The following DGUOK variants were observed in gnomAD, a reference collection of about 807,000 sequenced individuals.
DGUOK encodes the protein deoxyguanosine kinase, mitochondrial.
In DGUOK, 30 loss-of-function variants were observed where a neutral mutation model predicts 36.6. The ratio of observed to expected loss-of-function variants is 0.82; its 90% CI spans 0.61 to 1.11. DGUOK has a LOEUF of 1.11. Ranked by LOEUF, DGUOK falls within the 50% of genes most tolerant of loss-of-function variation. The probability of loss-of-function intolerance (pLI) is 0.00; values close to 1 mark genes in which losing one functional copy is unlikely to be tolerated. For synonymous variants in DGUOK, 145 were observed against 126.3 expected, an observed-to-expected ratio of 1.15 and a Z score of -0.99; for missense variants, 361 against 336.4, an observed-to-expected ratio of 1.07 and a Z score of -0.57.
At chr2:73,932,455 G>T in intron 1 of DGUOK, 2 of 354,528 alleles carry the variant, frequency 5.6e-6, no homozygotes, top group East Asian at 9.2e-5. Flanking sequence ...CCTAACCCCC[G>T]CCTTGACCCA....
chr2:73,958,503 C>T (rs1203831221), intron 6 of DGUOK, among the ~76,000 whole-genome samples: 2 of 152,140 alleles, frequency 1.3e-5, no homozygotes, highest in African/African-American at 2.4e-5. Context: ...CATCCTAAAA[C>T]TAGGGAAATG....
chr2:73,949,897 G>C (rs1012898630), intron 3 of DGUOK, among the ~76,000 whole-genome samples: 2 of 152,152 alleles, frequency 1.3e-5, no homozygotes, highest in Non-Finnish European at 2.9e-5. Context: ...GGCAAAGCTG[G>C]TTTGATTTTT....
chr2:73,945,972 G>T (rs1381730436), intron 2 of DGUOK, among the ~76,000 whole-genome samples: 1 of 151,610 alleles, frequency 6.6e-6, no homozygotes, highest in Non-Finnish European at 1.5e-5. Flanking sequence ...GGAGGGCGGA[G>T]GTTGCAGTGA....
At chr2:73,940,660 G>A (rs543137245) in intron 2 of DGUOK, among the ~76,000 whole-genome samples, 14 of 152,294 alleles carry the variant, frequency 9.2e-5, no homozygotes, top group Non-Finnish European at 1.8e-4. Flanking sequence ...TGTATACAAT[G>A]GTGGCCCCAT....
intron 1 of DGUOK, among the ~76,000 whole-genome samples, chr2:73,927,265 A>AT (rs1680672793): frequency 6.6e-6 from 1 of 152,172 alleles, no homozygotes; most frequent in Admixed American, 6.5e-5. Context: ...ACAGGAACAT[A>AT]TTTGTTGGGG....
chr2:73,930,428 C>T (rs1009346259), intron 1 of DGUOK, among the ~76,000 whole-genome samples: 1 of 152,124 alleles, frequency 6.6e-6, no homozygotes, highest in South Asian at 2.1e-4. Context: ...CTGCTATTTG[C>T]CTGATGATGT....
At chr2:73,939,171 A>G in intron 2 of DGUOK, 149 bp downstream of exon 2, 1 of 675,490 alleles carries the variant, frequency 1.5e-6, no homozygotes, top group East Asian at 2.8e-5. Flanking sequence ...CATACACCAG[A>G]GAGGATATGA....
Position 73,946,743 on chromosome 2 carries a change from A to C in DGUOK, c.280A>C (p.Asn94His), listed in dbSNP as rs747937764. Reference protein sequence around the residue: ...QKACTAQSLGNLLDMMYREPA... With the variant: ...QKACTAQSLGHLLDMMYREPA... ...GGCCTGCACTGCCCAAAGTCTTGGA[A>C]ACTTGCTGGATATGATGTACCGGGA... Residue 94 changes from asparagine to histidine, a missense_variant, in exon 3 of 7, where the codon AAC becomes CAC. Coordinates refer to ENST00000264093, the MANE Select transcript of DGUOK (RefSeq NM_080916.3). 5.0e-6 allele frequency: 8 copies of C among 1,614,024 alleles called. No homozygotes were observed. Among genetic ancestry groups the C allele is most frequent in the Non-Finnish European group, 5.9e-6 (7 of 1,180,030 alleles).
intron 2 of DGUOK, among the ~76,000 whole-genome samples, chr2:73,941,470 T>A (rs1225791651): frequency 6.6e-6 from 1 of 152,212 alleles, no homozygotes; most frequent in African/African-American, 2.4e-5. Flanking sequence ...ACAGAGAAAA[T>A]GTATAGATTT....
In DGUOK at chr2:73,936,466, C is replaced by G. The variant is rs181827692; in HGVS notation, c.143-2444C>G. Among the ~76,000 whole-genome samples, 4 of 152,310 alleles carry G rather than the reference C, an allele frequency of 2.6e-5. No homozygotes were observed. The East Asian group carries it at 7.7e-4, about 29-fold the overall frequency. ...GAGAGATGAGCGTGACTGTACAAATCCACAGATTCATGCTGTTTGTTCTTA... is the reference window on the plus strand; with the variant it reads ...GAGAGATGAGCGTGACTGTACAAATGCACAGATTCATGCTGTTTGTTCTTA... On this transcript the variant is annotated intron_variant, in intron 1 of 6. Coordinates refer to ENST00000264093, the MANE Select transcript of DGUOK (RefSeq NM_080916.3).
chr2:73,937,068 G>T (rs1360680790), intron 1 of DGUOK, among the ~76,000 whole-genome samples: 4 of 152,202 alleles, frequency 2.6e-5, no homozygotes, highest in Admixed American at 1.3e-4. Context: ...CTGCAGGAGG[G>T]TAGGCTACCT....
chr2:73,946,090 T>C (rs1031477418), intron 2 of DGUOK, among the ~76,000 whole-genome samples: 13 of 149,906 alleles, frequency 8.7e-5, no homozygotes, highest in Non-Finnish European at 1.9e-4. Flanking sequence ...CTGCTGAACA[T>C]CCCACACTTG....
In DGUOK at chr2:73,956,974, T is replaced by C. The variant is rs142803732; in HGVS notation, c.592-151T>C. The C allele has an allele frequency of 1.2e-4, 62 of 528,412 alleles. No homozygotes were observed. The African/African-American group carries it at 1.3e-3, about 11-fold the overall frequency. The allele number at this position is 528,412 out of a possible 1,614,324, so 32.7% of individuals were successfully genotyped here. On this transcript the variant is annotated intron_variant, in intron 4 of 6. Coordinates refer to ENST00000264093, the MANE Select transcript of DGUOK (RefSeq NM_080916.3). ...TGGGAAAAGAATGGTGTAGATCCTC[T>C]GATTGCATAAGAAAACAAGACAGCA...
chr2:73,957,140 C>T lies in DGUOK; in HGVS notation c.607C>T (p.Leu203=). Reference sequence around the variant, plus strand: ...TGTCTTTTAGGTTTGTTTGAAGAGACTGTACCAGAGGGCCAGGGAGGAGGA... The same window carrying T: ...TGTCTTTTAGGTTTGTTTGAAGAGATTGTACCAGAGGGCCAGGGAGGAGGA... The part of the protein sequence containing the change: ...QASPQVCLKR[L]YQRAREEEKG... Residue 203 remains leucine (L), a synonymous_variant, in exon 5 of 7, where the codon CTG becomes TTG. Transcript: ENST00000264093. 1 of 1,613,902 alleles carries T rather than the reference C, an allele frequency of 6.2e-7. No homozygotes were observed. The highest frequency in any genetic ancestry group is 1.1e-5 in the South Asian group (1 of 91,066).
intron 1 of DGUOK, among the ~76,000 whole-genome samples, chr2:73,935,760 T>C (rs1455171803): frequency 1.3e-5 from 2 of 152,246 alleles, no homozygotes; most frequent in African/African-American, 4.8e-5. Flanking sequence ...TTGTGATTAC[T>C]AAACTAGCTT....
chr2:73,938,197 T>A (rs540517676), intron 1 of DGUOK, among the ~76,000 whole-genome samples: 1 of 152,322 alleles, frequency 6.6e-6, no homozygotes, highest in African/African-American at 2.4e-5. Context: ...GTTCTTTCTC[T>A]CTTTCAGGTC....
At chr2:73,955,723 A>C (rs1300986618) in intron 4 of DGUOK, among the ~76,000 whole-genome samples, 1 of 152,044 alleles carries the variant, frequency 6.6e-6, no homozygotes, top group East Asian at 1.9e-4. Context: ...AAATACAAAA[A>C]ATTAGTTGGG....
intron 1 of DGUOK, among the ~76,000 whole-genome samples, chr2:73,937,757 AAC>A (rs1681577117): frequency 6.6e-6 from 1 of 152,224 alleles, no homozygotes; most frequent in East Asian, 1.9e-4. Flanking sequence ...GTATGGGCCA[AAC>A]ATTGGTATAA....
intron 4 of DGUOK, among the ~76,000 whole-genome samples, chr2:73,955,101 A>C (rs1682990052): frequency 6.6e-6 from 1 of 152,218 alleles, no homozygotes; most frequent in African/African-American, 2.4e-5. Flanking sequence ...TGCTCTGTTA[A>C]GGAAATTAAT....
Sources: allele counts gnomAD v4.1 joint callset (sites outside exome capture counted in the v4.1 genomes callset), GRCh38; gene constraint gnomAD v4.1.1; transcripts MANE v1.5; gene names NCBI Gene and HGNC (gene_info 2026-07-23, HGNC 2026-07-21).